MCM9: variants seen among roughly 807,000 people sequenced by gnomAD.
MCM9 encodes the protein minichromosome maintenance 9 homologous recombination repair factor, also known as DNA helicase MCM9.
MCM9 carries 55 observed loss-of-function variants against 72.8 expected under a neutral mutation model. The observed-to-expected ratio is 0.76, with a 90% CI of 0.61 to 0.95. The LOEUF is 0.95. Among genes scored for constraint, MCM9 ranks in the 40% least tolerant of loss-of-function variants. The pLI, the probability that MCM9 is intolerant of heterozygous loss-of-function variation, is 0.00. For missense variants in MCM9, 1,279 were observed against 1,377.0 expected, an observed-to-expected ratio of 0.93 and a Z score of 1.13; for synonymous variants, 480 against 503.4, an observed-to-expected ratio of 0.95 and a Z score of 0.62.
At chr6:118,844,444 TG>T (rs1254895187) in intron 9 of MCM9, among the ~76,000 whole-genome samples, 1 of 151,552 alleles carries the variant, frequency 6.6e-6, no homozygotes, top group Non-Finnish European at 1.5e-5. Context: ...GATATACAAT[TG>T]TAACTAGGGG....
chr6:118,934,118 T>A (rs1782692520), intron 1 of MCM9, among the ~76,000 whole-genome samples: 1 of 152,172 alleles, frequency 6.6e-6, no homozygotes, highest in Admixed American at 6.5e-5. Context: ...GAATTCAACG[T>A]TCAAATTAAG....
At chr6:118,852,639 T>TA (rs1776305478) in intron 9 of MCM9, among the ~76,000 whole-genome samples, 1 of 152,038 alleles carries the variant, frequency 6.6e-6, no homozygotes, top group South Asian at 2.1e-4. Context: ...ATGGGAAGAG[T>TA]AAGTGTTTGG....
At chr6:118,896,379 A>G (rs1024291047) in intron 8 of MCM9, among the ~76,000 whole-genome samples, 3 of 151,318 alleles carry the variant, frequency 2.0e-5, no homozygotes, top group Non-Finnish European at 2.9e-5. Context: ...TCTTCAAATT[A>G]CAGGTATTTC....
chr6:118,914,183 A>C (rs1301249376), intron 6 of MCM9, among the ~76,000 whole-genome samples: 1 of 152,202 alleles, frequency 6.6e-6, no homozygotes, highest in Non-Finnish European at 1.5e-5. Context: ...AGATCACTGC[A>C]CACCACAACC....
chr6:118,848,282 T>C (rs1022355732), intron 9 of MCM9, among the ~76,000 whole-genome samples: 3 of 151,872 alleles, frequency 2.0e-5, no homozygotes, highest in African/African-American at 7.3e-5. Flanking sequence ...GATTACTACA[T>C]GGCTAACAGA....
chr6:118,842,060 C>T (rs1234351762), intron 9 of MCM9, among the ~76,000 whole-genome samples: 1 of 152,178 alleles, frequency 6.6e-6, no homozygotes, highest in African/African-American at 2.4e-5. Context: ...GTCTCAAACT[C>T]CTGACCTTGT....
chr6:118,879,392 T>C (rs1778143485), intron 8 of MCM9, among the ~76,000 whole-genome samples: 1 of 152,178 alleles, frequency 6.6e-6, no homozygotes. Flanking sequence ...GAGGAAGCTA[T>C]ACTAATATCA....
chr6:118,815,792 T>C lies in MCM9; in HGVS notation c.2464A>G (p.Arg822Gly). The change falls in exon 14 of 14, where the codon AGG (arginine) becomes GGG (glycine). Residue 822 changes from arginine to glycine, a missense_variant. Transcript: ENST00000619706. ...ADNVESNKKK[R>G]LALDSEAAVS... is the part of the protein sequence containing the mutation. The stretch of plus-strand genomic sequence containing the variant: ...GCTGCTTCAGAATCTAGTGCTAGCC[T>C]TTTTTTCTTGTTACTTTCCACATTG... The C allele has an allele frequency of 6.5e-7, 1 of 1,539,516 alleles. No individual in the cohort carries two copies. The highest frequency in any genetic ancestry group is 8.7e-7 in the Non-Finnish European group (1 of 1,146,948).
intron 8 of MCM9, among the ~76,000 whole-genome samples, chr6:118,903,284 C>A (rs930052660): frequency 6.6e-6 from 1 of 152,116 alleles, no homozygotes; most frequent in Non-Finnish European, 1.5e-5. Flanking sequence ...CCCCTCTGTG[C>A]AGGGGTGTGT....
chr6:118,910,872 TGTTA>T (rs1444143159), intron 8 of MCM9: 1 of 985,228 alleles, frequency 1.0e-6, no homozygotes, highest in Non-Finnish European at 1.2e-6. Context: ...AATTTTAAAG[TGTTA>T]GTTTCTCATT....
At position 118,815,025 on chromosome 6, in the gene MCM9, T is replaced by C. The variant is rs551840543; in HGVS notation, c.3231A>G (p.Glu1077=). 101 of 1,550,338 alleles carry C rather than the reference T, an allele frequency of 6.5e-5. No individual in the cohort carries two copies. In the African/African-American group the frequency reaches 1.2e-3, roughly 19 times the overall value. Reference sequence around the variant, plus strand: ...GGCCTCTCTCACCTCGGTTCTTCCTTTCAGGAGGAGGGGATTTTGATTTGG... The same window carrying C: ...GGCCTCTCTCACCTCGGTTCTTCCTCTCAGGAGGAGGGGATTTTGATTTGG... ...SESKSKSPPP[E]RKNRGERGPS... is the part of the protein sequence containing the mutation. Residue 1077 remains glutamate, a synonymous_variant, in exon 14 of 14, where the codon GAA becomes GAG. Transcript: ENST00000619706.
intron 6 of MCM9, 64 bp from the exon 7 acceptor site, chr6:118,913,484 C>T: frequency 5.0e-6 from 8 of 1,598,908 alleles, no homozygotes; most frequent in Non-Finnish European, 6.8e-6. Context: ...TGAAATTTCC[C>T]TTCCTTTCCT....
intron 8 of MCM9, among the ~76,000 whole-genome samples, chr6:118,902,227 C>G (rs1779843153): frequency 6.6e-6 from 1 of 152,180 alleles, no homozygotes; most frequent in Non-Finnish European, 1.5e-5. Flanking sequence ...CCCGACACCT[C>G]TGTATTAGCC....
intron 1 of MCM9, 92 bp from the exon 2 acceptor site, chr6:118,932,832 C>G (rs1396826809): frequency 6.5e-6 from 1 of 152,686 alleles, no homozygotes; most frequent in African/African-American, 2.4e-5. Context: ...AAAATAAATA[C>G]AGCATATACC....
At chr6:118,907,653 A>C in intron 8 of MCM9, 1 of 1,499,840 alleles carries the variant, frequency 6.7e-7, no homozygotes, top group Non-Finnish European at 9.3e-7. Flanking sequence ...AGCTATTAAA[A>C]ATACACAGAA....
intron 8 of MCM9, among the ~76,000 whole-genome samples, chr6:118,885,340 AAAT>A (rs752354915): frequency 6.6e-6 from 1 of 152,208 alleles, no homozygotes; most frequent in Non-Finnish European, 1.5e-5. Flanking sequence ...CACAGGAAGG[AAAT>A]AATAAATATT....
At chr6:118,933,939 A>G (rs915590120) in intron 1 of MCM9, among the ~76,000 whole-genome samples, 7 of 147,412 alleles carry the variant, frequency 4.7e-5, no homozygotes, top group Non-Finnish European at 7.4e-5. Context: ...TTGGGAAGGA[A>G]TATCTCCACA....
intron 8 of MCM9, chr6:118,908,772 T>C (rs984500540): frequency 6.6e-6 from 1 of 152,626 alleles, no homozygotes; most frequent in African/African-American, 2.4e-5. Flanking sequence ...CTCCATAAAA[T>C]TGAGGTAGAA....
intron 8 of MCM9, among the ~76,000 whole-genome samples, chr6:118,899,639 A>C (rs1779670235): frequency 6.6e-6 from 1 of 152,226 alleles, no homozygotes; most frequent in South Asian, 2.1e-4. Flanking sequence ...TTGCTGACTT[A>C]ATAAGAGAAA....
Sources: gnomAD v4.1 joint callset for allele counts (sites outside exome capture counted in the v4.1 genomes callset) on GRCh38, gnomAD v4.1.1 for gene constraint, MANE v1.5 for transcripts, NCBI Gene and HGNC (gene_info 2026-07-23, HGNC 2026-07-21) for gene names.